Variants in CA10 observed in about 807,000 individuals in gnomAD.
CA10 encodes carbonic anhydrase-related protein 10.
A neutral mutation model predicts 44.2 loss-of-function variants in CA10; 14 were observed. That is an observed-to-expected ratio of 0.32 (90% CI 0.21 to 0.50). The LOEUF (loss-of-function observed/expected upper bound fraction) is 0.50, where lower values mean the gene tolerates loss of function less well. Among genes scored for constraint, CA10 ranks in the 20% least tolerant of loss-of-function variants. CA10 has a pLI of 0.99. For missense variants in CA10, 350 were observed against 409.7 expected, an observed-to-expected ratio of 0.85 and a Z score of 1.26; for synonymous variants, 159 against 141.6, an observed-to-expected ratio of 1.12 and a Z score of -0.87.
intron 5 of CA10, 113 bp from the exon 6 acceptor site, chr17:51,649,367 C>A (rs1194454832): frequency 1.3e-5 from 10 of 792,196 alleles, no homozygotes; most frequent in Non-Finnish European, 2.1e-5. Context: ...ATGAGCCAAA[C>A]ACAATGACAG....
intron 4 of CA10, among the ~76,000 whole-genome samples, chr17:51,714,914 A>G (rs1210000084): frequency 6.6e-6 from 1 of 152,194 alleles, no homozygotes; most frequent in Non-Finnish European, 1.5e-5. Context: ...AGAGCCTGGT[A>G]ACACAAGAGC....
intron 2 of CA10, among the ~76,000 whole-genome samples, chr17:52,039,492 G>A (rs1046591436): frequency 6.6e-6 from 1 of 152,018 alleles, no homozygotes; most frequent in Non-Finnish European, 1.5e-5. Flanking sequence ...ACAGATGGCT[G>A]AACCAATGGG....
intron 1 of CA10, among the ~76,000 whole-genome samples, chr17:52,076,705 C>A (rs1044143057): frequency 1.3e-5 from 2 of 152,092 alleles, no homozygotes; most frequent in Non-Finnish European, 2.9e-5. Flanking sequence ...AAAGTTCTGC[C>A]ACAGTACTAC....
intron 3 of CA10, among the ~76,000 whole-genome samples, chr17:51,850,992 G>T (rs1202294876): frequency 6.6e-6 from 1 of 152,156 alleles, no homozygotes; most frequent in Non-Finnish European, 1.5e-5. Flanking sequence ...CCCAGTGCCT[G>T]CCCTGACCAT....
At chr17:52,074,603 T>C (rs1433104186) in intron 1 of CA10, among the ~76,000 whole-genome samples, 3 of 24,062 alleles carry the variant, frequency 1.2e-4, no homozygotes, top group Non-Finnish European at 1.7e-4. Flanking sequence ...AATATACACT[T>C]AGCACTCAAA....
chr17:51,792,472 C>T (rs1906557053), intron 3 of CA10, among the ~76,000 whole-genome samples: 1 of 152,152 alleles, frequency 6.6e-6, no homozygotes, highest in Non-Finnish European at 1.5e-5. Context: ...TGAATACCTA[C>T]ATTATGAAAA....
chr17:51,766,508 T>C (rs74574194), intron 3 of CA10, among the ~76,000 whole-genome samples: 166 of 152,312 alleles, frequency 1.1e-3, no homozygotes, highest in African/African-American at 3.8e-3. Flanking sequence ...CCTTTGCTCT[T>C]AGCTTCATGG....
chr17:52,145,664 A>G (rs1326576907), intron 1 of CA10, among the ~76,000 whole-genome samples: 1 of 152,240 alleles, frequency 6.6e-6, no homozygotes, highest in Non-Finnish European at 1.5e-5. Context: ...GCAAAATAAC[A>G]TCTTGAATCC....
At chr17:51,853,870 G>A (rs1378659222) in intron 3 of CA10, among the ~76,000 whole-genome samples, 4 of 152,170 alleles carry the variant, frequency 2.6e-5, no homozygotes, top group African/African-American at 9.7e-5. Context: ...CTTCTGCCAT[G>A]ATTGTAAGTT....
intron 1 of CA10, among the ~76,000 whole-genome samples, chr17:52,143,082 T>C (rs192613359): frequency 3.5e-4 from 53 of 152,334 alleles, no homozygotes; most frequent in African/African-American, 1.2e-3. Flanking sequence ...TGAATTATTT[T>C]TTAAGATCAC....
chr17:51,649,316 G>T (rs564273767), intron 5 of CA10, 62 bp from the exon 6 acceptor site: 3 of 1,180,690 alleles, frequency 2.5e-6, no homozygotes, highest in Admixed American at 3.4e-5. Flanking sequence ...ACATCTCCCC[G>T]TGACATTCAC....
intron 2 of CA10, among the ~76,000 whole-genome samples, chr17:52,002,980 T>C (rs1347354469): frequency 1.3e-5 from 2 of 151,978 alleles, no homozygotes; most frequent in African/African-American, 4.8e-5. Flanking sequence ...CTTCTCTATG[T>C]AGGATTATCC....
intron 2 of CA10, among the ~76,000 whole-genome samples, chr17:52,058,823 A>G (rs1987299524): frequency 6.6e-6 from 1 of 151,942 alleles, no homozygotes; most frequent in African/African-American, 2.4e-5. Flanking sequence ...CCCACCACTC[A>G]TGTCTCACAT....
intron 1 of CA10, among the ~76,000 whole-genome samples, chr17:52,082,130 G>C (rs1988000041): frequency 6.6e-6 from 1 of 152,266 alleles, no homozygotes; most frequent in African/African-American, 2.4e-5. Flanking sequence ...AGGTACACTG[G>C]CACAGTGTTT....
At chr17:52,065,065 G>GTCACT (rs1309601116) in intron 2 of CA10, among the ~76,000 whole-genome samples, 2 of 152,132 alleles carry the variant, frequency 1.3e-5, no homozygotes, top group Non-Finnish European at 2.9e-5. Context: ...TTTTGCACTT[G>GTCACT]TCACTTTGCA....
chr17:52,043,593 T>C (rs1986830123), intron 2 of CA10, among the ~76,000 whole-genome samples: 2 of 152,114 alleles, frequency 1.3e-5, no homozygotes, highest in African/African-American at 4.8e-5. Flanking sequence ...CAGTACTATA[T>C]TGAATAAAAG....
chr17:52,065,109 T>C (rs1358122446), intron 2 of CA10, among the ~76,000 whole-genome samples: 1 of 152,212 alleles, frequency 6.6e-6, no homozygotes, highest in East Asian at 1.9e-4. Flanking sequence ...CCATTTCTCA[T>C]ACATGTCATG....
rs140632980 is a variant in CA10 at position 51,877,727 on chromosome 17, T to C, written c.279+53263A>G. On this transcript the variant is annotated intron_variant, in intron 3 of 8. Coordinates refer to ENST00000451037, the MANE Select transcript of CA10 (RefSeq NM_020178.5). ...ATGACAATTAGTATTACTAAGTCAT[T>C]TTAAAACCTGTCTTCTATAGGTCAG... Among the ~76,000 whole-genome samples the C allele has an allele frequency of 3.9e-3, 595 of 152,300 alleles. 1 individual carries two copies. Among genetic ancestry groups the C allele is most frequent in the African/African-American group, 0.014 (564 of 41,562 alleles).
intron 2 of CA10, among the ~76,000 whole-genome samples, chr17:52,048,020 C>G (rs2144204014): frequency 6.6e-6 from 1 of 150,712 alleles, no homozygotes. Context: ...ATGGCTCCAT[C>G]CAATCTCCCA....
Sources: allele counts gnomAD v4.1 joint callset (sites outside exome capture counted in the v4.1 genomes callset), GRCh38; gene constraint gnomAD v4.1.1; transcripts MANE v1.5; gene names NCBI Gene and HGNC (gene_info 2026-07-23, HGNC 2026-07-21).